The following PIWIL1 variants were observed in gnomAD, a reference collection of about 807,000 sequenced individuals.
PIWIL1 encodes the protein piwi-like protein 1.
Under a neutral mutation model 114.4 loss-of-function variants are expected in PIWIL1, and 73 were observed. That is an observed-to-expected ratio of 0.64 (90% CI 0.53 to 0.78). PIWIL1 has a LOEUF of 0.78. Among genes scored for constraint, PIWIL1 ranks in the 30% least tolerant of loss-of-function variants. The pLI, the probability that PIWIL1 is intolerant of heterozygous loss-of-function variation, is 0.00. For synonymous variants in PIWIL1, 375 were observed against 369.0 expected, an observed-to-expected ratio of 1.02 and a Z score of -0.19; for missense variants, 723 against 1,063.1, an observed-to-expected ratio of 0.68 and a Z score of 4.45.
At chr12:130,421,385 CAT>C in the PIWIL1 span, among the ~76,000 whole-genome samples, 1 of 152,236 alleles carries the variant, frequency 6.6e-6, no homozygotes, top group East Asian at 1.9e-4. Flanking sequence ...ACCAGAGAAA[CAT>C]AAACACAATC....
At chr12:130,359,459 T>C (rs2073452454) in intron 14 of PIWIL1, among the ~76,000 whole-genome samples, 1 of 152,118 alleles carries the variant, frequency 6.6e-6, no homozygotes, top group Non-Finnish European at 1.5e-5. Context: ...CCCATAACCA[T>C]TCCCTGCCCT....
At chr12:130,342,483 A>G (rs2072949002) in intron 1 of PIWIL1, 97 bp from the exon 2 acceptor site, 2 of 719,176 alleles carry the variant, frequency 2.8e-6, no homozygotes, top group African/African-American at 3.5e-5. Flanking sequence ...TGGGGAGCTT[A>G]CTTTTGAAAC....
At chr12:130,376,377 A>G (rs1465938240), downstream of PIWIL1, among the ~76,000 whole-genome samples, 2 of 152,240 alleles carry the variant, frequency 1.3e-5, no homozygotes, top group East Asian at 3.8e-4. Flanking sequence ...AACACTGTAT[A>G]TGCCTGAGGG....
At chr12:130,424,983 T>A in the PIWIL1 span, 16 of 470,426 alleles carry the variant, frequency 3.4e-5, no homozygotes, top group Admixed American at 4.5e-5. This position sits in a 1 kb window ranked among gnomAD's most constrained non-coding sequence, Gnocchi z 9.8. Context: ...GGGGGAAGCA[T>A]GCGTCTACTC....
At chr12:130,416,803 T>C in the PIWIL1 span, among the ~76,000 whole-genome samples, 1 of 152,064 alleles carries the variant, frequency 6.6e-6, no homozygotes, top group Non-Finnish European at 1.5e-5. Flanking sequence ...GGAGAAAATA[T>C]TTGCAAATTG....
chr12:130,356,428 C>A (rs2073367196), intron 12 of PIWIL1, among the ~76,000 whole-genome samples: 1 of 152,004 alleles, frequency 6.6e-6, no homozygotes, highest in Admixed American at 6.6e-5. Context: ...CCAGGACACG[C>A]AGAAGACACC....
the PIWIL1 span, chr12:130,424,298 G>T: frequency 1.6e-6 from 2 of 1,231,456 alleles, no homozygotes; most frequent in Non-Finnish European, 2.0e-6. This position sits in a 1 kb window ranked among gnomAD's most constrained non-coding sequence, Gnocchi z 9.8. Flanking sequence ...TCTCCGGGCC[G>T]GGCTGGGGGT....
At chr12:130,367,372 A>G (rs2073689724) in intron 19 of PIWIL1, 114 bp downstream of exon 19, 5 of 1,028,712 alleles carry the variant, frequency 4.9e-6, no homozygotes, top group South Asian at 2.5e-5. Context: ...TATATTTTTT[A>G]TAAACATTAA....
chr12:130,408,835 A>C, the PIWIL1 span, among the ~76,000 whole-genome samples: 1 of 152,220 alleles, frequency 6.6e-6, no homozygotes, highest in Admixed American at 6.5e-5. Context: ...CGGCAACTAA[A>C]GTCAGCGATG....
rs1318897005 is a variant in PIWIL1, at chr12:130,362,832, G to T, written c.2037G>T (p.Leu679=). 1.2e-6 allele frequency: 2 copies of T among 1,613,834 alleles called. No individual in the cohort carries two copies. Residue 679 remains leucine, a synonymous_variant, in exon 17 of 21, where the codon CTG becomes CTT. Transcript: ENST00000245255. ...QELVDGLKVC[L]QAALRAWNSC... is the part of the protein sequence containing the mutation. The stretch of plus-strand genomic sequence containing the variant: ...TGGTAGATGGGCTCAAAGTCTGCCT[G>T]CAAGGTTAGTCACCTGTGGGGTTGC...
In PIWIL1 at chr12:130,343,079, A is replaced by G; in HGVS notation, c.168A>G (p.Ala56=). ...LFGRGRQRGT[A]GGTAKSQGLQ... Reference sequence around the variant, plus strand: ...GCCGTGGACGGCAGAGAGGAACAGCAGGAGGAACAGCCAAGTCACAAGGTG... The same window carrying G: ...GCCGTGGACGGCAGAGAGGAACAGCGGGAGGAACAGCCAAGTCACAAGGTG... Residue 56 remains alanine, a synonymous_variant, in exon 3 of 21, where the codon GCA becomes GCG. Coordinates refer to ENST00000245255, the MANE Select transcript of PIWIL1 (RefSeq NM_004764.5). The G allele has an allele frequency of 1.2e-6, 2 of 1,613,538 alleles. No individual in the cohort carries two copies. Among genetic ancestry groups the G allele is most frequent in the East Asian group, 2.2e-5 (1 of 44,864 alleles).
the PIWIL1 span, among the ~76,000 whole-genome samples, chr12:130,392,988 G>C: frequency 1.5e-4 from 22 of 145,510 alleles, no homozygotes; most frequent in African/African-American, 2.6e-5. Flanking sequence ...GTGTGCGTCA[G>C]TTACCTGGTG....
the PIWIL1 span, among the ~76,000 whole-genome samples, chr12:130,416,130 A>T: frequency 6.6e-6 from 1 of 152,352 alleles, no homozygotes; most frequent in African/African-American, 2.4e-5. Context: ...TTAGAATATC[A>T]TTAAAGTAGC....
At chr12:130,348,231 C>T (rs1215393104) in intron 7 of PIWIL1, 48 bp downstream of exon 7, 3 of 1,071,886 alleles carry the variant, frequency 2.8e-6, no homozygotes, top group East Asian at 2.4e-5. Flanking sequence ...TAATGACAGA[C>T]TTTTGAGACG....
chr12:130,419,460 G>T, the PIWIL1 span: 1 of 152,354 alleles, frequency 6.6e-6, no homozygotes, highest in African/African-American at 2.4e-5. This position sits in a 1 kb window ranked among gnomAD's most constrained non-coding sequence, Gnocchi z 4.3. Flanking sequence ...CAGACCGACT[G>T]CCCTCACTGC....
chr12:130,378,981 A>G, the PIWIL1 span, among the ~76,000 whole-genome samples: 1 of 152,210 alleles, frequency 6.6e-6, no homozygotes, highest in Non-Finnish European at 1.5e-5. Context: ...GGGGAGAACC[A>G]TCTGGTGAGG....
At chr12:130,395,656 T>C in the PIWIL1 span, among the ~76,000 whole-genome samples, 1 of 152,250 alleles carries the variant, frequency 6.6e-6, no homozygotes. Flanking sequence ...TATAGGTTCA[T>C]GAAATTATGT....
chr12:130,362,880 T>A, intron 17 of PIWIL1, 44 bp downstream of exon 17: 3 of 1,610,632 alleles, frequency 1.9e-6, no homozygotes, highest in Non-Finnish European at 2.5e-6. Flanking sequence ...TAAACTGGGG[T>A]CTTCCAGAAA....
At chr12:130,350,962 C>CT (rs2073194323) in intron 9 of PIWIL1, 1 of 152,194 alleles carries the variant, frequency 6.6e-6, no homozygotes, top group Non-Finnish European at 1.5e-5. Context: ...GCATGAAGGG[C>CT]TGACCTTATT....
Sources: allele counts gnomAD v4.1 joint callset (sites outside exome capture counted in the v4.1 genomes callset), GRCh38; gene constraint gnomAD v4.1.1; non-coding constraint Gnocchi (gnomAD v3.1); transcripts MANE v1.5; gene names NCBI Gene and HGNC (gene_info 2026-07-23, HGNC 2026-07-21).